Variants in KAT5 observed in about 807,000 individuals in gnomAD.
KAT5 encodes the protein histone acetyltransferase KAT5.
In KAT5, 31 loss-of-function variants were observed where a neutral mutation model predicts 68.1. The observed-to-expected ratio is 0.46, with a 90% CI of 0.34 to 0.61. KAT5 has a LOEUF of 0.61. Ranked by LOEUF, KAT5 falls within the 20% of genes least tolerant of loss-of-function variation. The pLI, the probability that KAT5 is intolerant of heterozygous loss-of-function variation, is 0.01. For missense variants in KAT5, 451 were observed against 725.5 expected, an observed-to-expected ratio of 0.62 and a Z score of 4.35; for synonymous variants, 365 against 292.6, an observed-to-expected ratio of 1.25 and a Z score of -2.52.
chr11:65,714,369 G>T, intron 6 of KAT5, 126 bp from the exon 7 acceptor site: 1 of 1,077,730 alleles, frequency 9.3e-7, no homozygotes. Context: ...CTGGAAATTG[G>T]GGATCATGGT....
intron 10 of KAT5, chr11:65,717,519 C>T (rs903815423): frequency 6.1e-6 from 1 of 163,378 alleles, no homozygotes; most frequent in African/African-American, 2.4e-5. Context: ...CTCCCCAACC[C>T]TGAGGCCCCT....
rs200340458 is a variant in KAT5 at position 65,719,017 on chromosome 11, C to T, written c.1507-30C>T. ...CAGAGTGCAGTCCTCTGTGGGCTGA[C>T]CACCTGCTGAACCCATCTCCTCTGC... On this transcript the variant is annotated intron_variant, in intron 12 of 12. Transcript: ENST00000341318. The T allele has an allele frequency of 3.1e-6, 5 of 1,613,966 alleles. No homozygotes were observed. In the African/African-American group the frequency reaches 4.0e-5, roughly 13 times the overall value.
Position 65,712,459 on chromosome 11 carries a change from GGGGGCGGGACTAAGGAACCTGAGGGCGA to G in KAT5, c.178+24_178+51del. The G allele has an allele frequency of 6.3e-7, 1 of 1,587,492 alleles. No homozygotes were observed. Among genetic ancestry groups the G allele is most frequent in the Non-Finnish European group, 8.5e-7 (1 of 1,173,238 alleles). On this transcript the variant is annotated intron_variant, in intron 1 of 12. Transcript: ENST00000341318. ...AAGATGAGTGGCGTGAGTGACGTTG[GGGGGCGGGACTAAGGAACCTGAGGGCGA>G]GGGGCGGGAGTCAACTGAAATCCCG...
chr11:65,716,040 A>C (rs1590965207), intron 8 of KAT5: 1 of 152,314 alleles, frequency 6.6e-6, no homozygotes, highest in Admixed American at 6.5e-5. Flanking sequence ...AAAAAAAAAA[A>C]AACCCACAAT....
chr11:65,712,064 T>A, upstream of KAT5: 1 of 468,260 alleles, frequency 2.1e-6, no homozygotes, highest in Admixed American at 4.3e-5. Context: ...CGTTATGGGG[T>A]TTCCACCTAG....
At chr11:65,715,132 G>A in intron 8 of KAT5, 1 of 559,000 alleles carries the variant, frequency 1.8e-6, no homozygotes, top group East Asian at 3.1e-5. Flanking sequence ...AGCTCCCAGT[G>A]TCCTAAGTGT....
rs1433329081 is a variant in KAT5, at chr11:65,712,267, G to T, written c.-1G>T. 2.8e-6 allele frequency: 4 copies of T among 1,416,196 alleles called. No homozygotes were observed. The highest frequency in any genetic ancestry group is 2.8e-6 in the Non-Finnish European group (3 of 1,085,778). The allele number at this position is 1,416,196 out of a possible 1,614,324, so 87.7% of individuals were successfully genotyped here. A position where few individuals can be genotyped will look rare whatever the true frequency, so the allele number is the denominator to read the frequency against. On this transcript the variant is annotated 5_prime_UTR_variant, in exon 1 of 13. Transcript: ENST00000341318. ...CGGAAGTGGCAGTGGAGGGAGGGAA[G>T]ATGGCGGAGGTGGTGAGTCCGGTGC...
chr11:65,713,637 C>T lies in KAT5; in HGVS notation c.585C>T (p.Ser195=), dbSNP rs147419775. The T allele has an allele frequency of 9.1e-5, 147 of 1,614,002 alleles. No individual in the cohort carries two copies. The highest frequency in any genetic ancestry group is 1.1e-4 in the Non-Finnish European group (131 of 1,180,026). Residue 195 remains serine, a synonymous_variant, in exon 5 of 13, where the codon AGC becomes AGT. Transcript: ENST00000341318. Reference sequence around the variant, plus strand: ...TTTCACCAGCAACTCCAGTGCCCAGCGAGACAGCCCCGGCCTCGGTTTTTC... The same window carrying T: ...TTTCACCAGCAACTCCAGTGCCCAGTGAGACAGCCCCGGCCTCGGTTTTTC... ...EVVSPATPVP[S]ETAPASVFPQ...
In KAT5 at chr11:65,712,334, C is replaced by T. The variant is rs1377519160; in HGVS notation, c.67C>T (p.Arg23Ter). ...GGAGCCAGGGGAGGTGGGTAGAGCC[C>T]GAGGCCCCCCAGTAGCCGACCCTGG... ...RREPGEVGRA[R>*]GPPVADPGVA... is the part of the protein sequence containing the mutation. Residue 23 changes from arginine to a stop codon, truncating the protein, a stop_gained, in exon 1 of 13, where the codon CGA (arginine) becomes TGA (stop). Coordinates refer to ENST00000341318, the MANE Select transcript of KAT5 (RefSeq NM_182710.3). LOFTEE classifies it high-confidence loss of function. The T allele has an allele frequency of 4.0e-6, 6 of 1,514,286 alleles. No individual in the cohort carries two copies. In the African/African-American group the frequency reaches 7.2e-5, roughly 18 times the overall value. The allele number at this position is 1,514,286 out of a possible 1,614,324, so 93.8% of individuals were successfully genotyped here. A position where few individuals can be genotyped will look rare whatever the true frequency, so the allele number is the denominator to read the frequency against.
At chr11:65,712,167 C>T (rs952813232), upstream of KAT5, 6 of 1,190,362 alleles carry the variant, frequency 5.0e-6, no homozygotes, top group South Asian at 8.5e-5. Context: ...TCTCAAAGGT[C>T]CCCCTCTACA....
chr11:65,718,848 G>C (rs749881907), intron 11 of KAT5, 25 bp from the exon 12 acceptor site: 1 of 1,613,906 alleles, frequency 6.2e-7, no homozygotes, highest in East Asian at 2.2e-5. Flanking sequence ...GGTCCTCAGG[G>C]AACCTGACCT....
chr11:65,718,352 T>G lies in KAT5; in HGVS notation c.1265-238T>G, dbSNP rs1046349151. The G allele has an allele frequency of 6.2e-6, 3 of 481,608 alleles. No individual in the cohort carries two copies. In the Admixed American group the frequency reaches 1.0e-4, roughly 17 times the overall value. 29.8% of individuals were successfully genotyped at this position (481,608 alleles called of 1,614,324 possible). On this transcript the variant is annotated intron_variant, in intron 10 of 12. Coordinates refer to ENST00000341318, the MANE Select transcript of KAT5 (RefSeq NM_182710.3). ...ACTGGCCTCTGATCACCCTCATGGT[T>G]GACTGCAGCTGCTCCTCTCAGTGCC...
chr11:65,712,157 T>C (rs112313136), upstream of KAT5: 3,502 of 1,112,736 alleles, frequency 3.1e-3, 90 homozygotes, highest in African/African-American at 0.049. Flanking sequence ...TCGCGGTGTC[T>C]CTCAAAGGTC....
intron 8 of KAT5, chr11:65,715,433 T>G (rs1857158738): frequency 6.0e-6 from 1 of 167,482 alleles, no homozygotes; most frequent in African/African-American, 2.4e-5. Flanking sequence ...GACCTGGGCA[T>G]CCAAGTGGCA....
chr11:65,714,286 C>G, intron 6 of KAT5: 1 of 611,046 alleles, frequency 1.6e-6, no homozygotes, highest in Non-Finnish European at 2.8e-6. Context: ...CAGACTGAGA[C>G]TCCATCTAAA....
chr11:65,714,506 C>T lies in KAT5; in HGVS notation c.702C>T (p.Asp234=). Residue 234 remains aspartate, a synonymous_variant, in exon 7 of 13, where the codon GAC becomes GAT. Transcript: ENST00000341318. Reference sequence around the variant, plus strand: ...CTGGCCCTGGGCAGGACTCCCAGGACAGCTCTGATGGAATACCGTCAGCAC... The same window carrying T: ...CTGGCCCTGGGCAGGACTCCCAGGATAGCTCTGATGGAATACCGTCAGCAC... ...NCLGTDEDSQ[D]SSDGIPSAPR... is the part of the protein sequence containing the mutation. 1.2e-6 allele frequency: 2 copies of T among 1,614,022 alleles called. No individual in the cohort carries two copies. The highest frequency in any genetic ancestry group is 2.2e-5 in the South Asian group (2 of 91,082).
intron 8 of KAT5, among the ~76,000 whole-genome samples, chr11:65,715,756 GT>G (rs577184801): frequency 6.4e-4 from 95 of 148,504 alleles, no homozygotes; most frequent in Non-Finnish European, 1.1e-3. Flanking sequence ...AAGACTTCGT[GT>G]AAAAAAAATA....
chr11:65,712,656 C>T, intron 1 of KAT5, 110 bp from the exon 2 acceptor site: 1 of 1,377,088 alleles, frequency 7.3e-7, no homozygotes, highest in Non-Finnish European at 1.0e-6. Flanking sequence ...TTAGGAGAGA[C>T]CTAAGTGCTG....
chr11:65,718,764 G>C lies in KAT5; in HGVS notation c.1424+15G>C. ...ATCACCATCAAGTGAGCCTGGCGCT[G>C]TCTACCTGGGGGTACATGGCATGGC... On this transcript the variant is annotated intron_variant, in intron 11 of 12. Coordinates refer to ENST00000341318, the MANE Select transcript of KAT5 (RefSeq NM_182710.3). 6.2e-7 allele frequency: 1 copy of C among 1,614,176 alleles called. No individual in the cohort carries two copies. The highest frequency in any genetic ancestry group is 8.5e-7 in the Non-Finnish European group (1 of 1,180,002).
Sources: gnomAD v4.1 joint callset for allele counts (sites outside exome capture counted in the v4.1 genomes callset) on GRCh38, gnomAD v4.1.1 for gene constraint, MANE v1.5 for transcripts, NCBI Gene and HGNC (gene_info 2026-07-23, HGNC 2026-07-21) for gene names.